Variants in CNTNAP5 observed in about 807,000 individuals in gnomAD.
The protein encoded by CNTNAP5 is contactin-associated protein-like 5.
A neutral mutation model predicts 150.2 loss-of-function variants in CNTNAP5; 72 were observed. That is an observed-to-expected ratio of 0.48 (90% CI 0.40 to 0.58). CNTNAP5 has a LOEUF of 0.58. Among genes scored for constraint, CNTNAP5 ranks in the 20% least tolerant of loss-of-function variants. The pLI is 0.00. For synonymous variants in CNTNAP5, 672 were observed against 619.8 expected, an observed-to-expected ratio of 1.08 and a Z score of -1.25; for missense variants, 1,636 against 1,626.2, an observed-to-expected ratio of 1.01 and a Z score of -0.10.
chr2:124,290,907 T>C (rs1573894421), intron 3 of CNTNAP5, among the ~76,000 whole-genome samples: 1 of 121,286 alleles, frequency 8.2e-6, no homozygotes. Context: ...TATTTATTTA[T>C]TTATTTATTT....
intron 3 of CNTNAP5, among the ~76,000 whole-genome samples, chr2:124,247,685 CA>C (rs1339998834): frequency 6.6e-6 from 1 of 151,408 alleles, no homozygotes; most frequent in Admixed American, 6.6e-5. Flanking sequence ...ATTAAGGACA[CA>C]AAAAAATAAT....
chr2:124,204,517 T>A (rs1426754834), intron 1 of CNTNAP5, among the ~76,000 whole-genome samples: 5 of 152,204 alleles, frequency 3.3e-5, no homozygotes, highest in Admixed American at 1.3e-4. Context: ...ACCAATTTAC[T>A]GTTTTAGTCC....
At chr2:124,721,733 T>C (rs988780686) in intron 13 of CNTNAP5, among the ~76,000 whole-genome samples, 1 of 152,104 alleles carries the variant, frequency 6.6e-6, no homozygotes, top group African/African-American at 2.4e-5. Flanking sequence ...ATTTTAAAAT[T>C]CAAAATTCTG....
chr2:124,048,198 A>C lies in CNTNAP5; in HGVS notation c.82+22466A>C, dbSNP rs116568055. On this transcript the variant is annotated intron_variant, in intron 1 of 23. Transcript: ENST00000682447. Reference sequence around the variant, plus strand: ...GCTACCCATCTATGTTGTTCTGTTTAAACTGGCAGCATGGTGTCATGGGGG... The same window carrying C: ...GCTACCCATCTATGTTGTTCTGTTTCAACTGGCAGCATGGTGTCATGGGGG... 2.1e-3 allele frequency among the ~76,000 whole-genome samples: 315 copies of C among 152,314 alleles called. 1 individual carries two copies. Among genetic ancestry groups the C allele is most frequent in the Non-Finnish European group, 2.7e-3 (185 of 68,034 alleles).
chr2:124,912,545 C>T (rs999579920), intron 23 of CNTNAP5, among the ~76,000 whole-genome samples: 6 of 152,060 alleles, frequency 3.9e-5, no homozygotes, highest in East Asian at 1.9e-4. Flanking sequence ...AGGAAAACCA[C>T]GCCTTTCCTT....
At chr2:124,129,295 T>C (rs926499934) in intron 1 of CNTNAP5, among the ~76,000 whole-genome samples, 10 of 152,148 alleles carry the variant, frequency 6.6e-5, no homozygotes, top group African/African-American at 2.4e-4. Context: ...TAGTCACACT[T>C]GTGAGTGAAG....
chr2:124,584,563 T>C (rs1465826653), intron 11 of CNTNAP5, among the ~76,000 whole-genome samples: 1 of 152,170 alleles, frequency 6.6e-6, no homozygotes, highest in Admixed American at 6.5e-5. Flanking sequence ...AGATTTTTCA[T>C]CGTAAAATAT....
chr2:124,823,336 C>A (rs1290770436), intron 19 of CNTNAP5, among the ~76,000 whole-genome samples: 1 of 152,124 alleles, frequency 6.6e-6, no homozygotes, highest in Non-Finnish European at 1.5e-5. Context: ...TACAAACTAT[C>A]GTGTTGGATG....
intron 19 of CNTNAP5, among the ~76,000 whole-genome samples, chr2:124,850,075 G>A (rs1189387197): frequency 2.0e-5 from 3 of 151,994 alleles, no homozygotes; most frequent in African/African-American, 7.2e-5. Context: ...TTATAAGTAG[G>A]CCATATTTTT....
At chr2:124,147,201 G>C (rs182074557) in intron 1 of CNTNAP5, among the ~76,000 whole-genome samples, 2 of 152,150 alleles carry the variant, frequency 1.3e-5, no homozygotes. Flanking sequence ...AAGGAGATGA[G>C]AGCCTCAGCC....
chr2:124,208,278 C>T (rs908101552), intron 1 of CNTNAP5, among the ~76,000 whole-genome samples: 14 of 152,232 alleles, frequency 9.2e-5, no homozygotes, highest in African/African-American at 3.4e-4. Context: ...CAAACTTTCT[C>T]CAGTGTACAG....
chr2:124,200,676 G>A lies in CNTNAP5; in HGVS notation c.83-21029G>A, dbSNP rs867239780. ...CTGAAAAACTTTATATCTGTTAAAT[G>A]ATAACTCCTAATTCTCAATCTGTAA... On this transcript the variant is annotated intron_variant, in intron 1 of 23. Coordinates refer to ENST00000682447, the MANE Select transcript of CNTNAP5 (RefSeq NM_001367498.1). 5.9e-5 allele frequency among the ~76,000 whole-genome samples: 9 copies of A among 152,254 alleles called. No homozygotes were observed. In the South Asian group the frequency reaches 8.3e-4, roughly 14 times the overall value.
At chr2:124,335,489 A>G (rs1454458428) in intron 3 of CNTNAP5, among the ~76,000 whole-genome samples, 2 of 151,460 alleles carry the variant, frequency 1.3e-5, no homozygotes, top group African/African-American at 4.9e-5. Context: ...TTTATACACC[A>G]AAGTTCTTTT....
At position 124,362,083 on chromosome 2, in the gene CNTNAP5, C is replaced by A. The variant is rs530486139; in HGVS notation, c.382-55360C>A. Among the ~76,000 whole-genome samples, 4 of 152,340 alleles carry A rather than the reference C, an allele frequency of 2.6e-5. No homozygotes were observed. The East Asian group carries it at 5.8e-4, about 22-fold the overall frequency. On this transcript the variant is annotated intron_variant, in intron 3 of 23. Coordinates refer to ENST00000682447, the MANE Select transcript of CNTNAP5 (RefSeq NM_001367498.1). ...AGTGACCCGATTTTCCCGGTGCTGTCCGTCACCCCTTTCTTTGACTCGGAA... is the reference window on the plus strand; with the variant it reads ...AGTGACCCGATTTTCCCGGTGCTGTACGTCACCCCTTTCTTTGACTCGGAA...
At chr2:124,351,680 C>T (rs1220445610) in intron 3 of CNTNAP5, among the ~76,000 whole-genome samples, 1 of 152,122 alleles carries the variant, frequency 6.6e-6, no homozygotes, top group East Asian at 1.9e-4. Context: ...AAATGTTTCC[C>T]TACATCTATT....
intron 3 of CNTNAP5, among the ~76,000 whole-genome samples, chr2:124,250,978 A>G (rs1687158353): frequency 6.6e-6 from 1 of 152,136 alleles, no homozygotes; most frequent in Non-Finnish European, 1.5e-5. Flanking sequence ...AACTAATTTT[A>G]GTCACTGATT....
chr2:124,504,712 T>C (rs533043906), intron 8 of CNTNAP5, among the ~76,000 whole-genome samples, 156 bp downstream of exon 8: 1 of 148,426 alleles, frequency 6.7e-6, no homozygotes, highest in African/African-American at 2.5e-5. Flanking sequence ...CATTTTTTTT[T>C]TTTTTTTTTT....
chr2:124,140,273 G>A (rs1684085874), intron 1 of CNTNAP5, among the ~76,000 whole-genome samples: 1 of 151,434 alleles, frequency 6.6e-6, no homozygotes, highest in Admixed American at 6.6e-5. Context: ...AGCTCCAACT[G>A]GGTGGAGCCC....
intron 21 of CNTNAP5, among the ~76,000 whole-genome samples, chr2:124,875,890 C>T (rs1363182936): frequency 6.6e-6 from 1 of 151,800 alleles, no homozygotes; most frequent in Non-Finnish European, 1.5e-5. Flanking sequence ...ATACCAGCTT[C>T]AACAATAACA....
Sources: allele counts gnomAD v4.1 joint callset (sites outside exome capture counted in the v4.1 genomes callset), GRCh38; gene constraint gnomAD v4.1.1; transcripts MANE v1.5; gene names NCBI Gene and HGNC (gene_info 2026-07-23, HGNC 2026-07-21).